The following SH2D2A variants were observed in gnomAD, a reference collection of about 807,000 sequenced individuals.
SH2D2A encodes SH2 domain containing 2A.
SH2D2A carries 33 observed loss-of-function variants against 43.6 expected under a neutral mutation model. The observed-to-expected ratio is 0.76, with a 90% CI of 0.57 to 1.01. The LOEUF (loss-of-function observed/expected upper bound fraction) is 1.01. Ranked by LOEUF, SH2D2A falls within the 50% of genes least tolerant of loss-of-function variation. SH2D2A has a pLI of 0.00. For synonymous variants in SH2D2A, 212 were observed against 206.1 expected, an observed-to-expected ratio of 1.03 and a Z score of -0.25; for missense variants, 491 against 503.1, an observed-to-expected ratio of 0.98 and a Z score of 0.23.
chr1:156,808,976 G>A (rs1441241769), intron 7 of SH2D2A, among the ~76,000 whole-genome samples: 2 of 152,154 alleles, frequency 1.3e-5, no homozygotes, highest in Non-Finnish European at 1.5e-5. Context: ...GGAGGGCATG[G>A]GGGCTTGACA....
chr1:156,814,040 G>A, intron 4 of SH2D2A, 24 bp from the exon 5 acceptor site: 1 of 1,497,084 alleles, frequency 6.7e-7, no homozygotes, highest in Non-Finnish European at 8.9e-7. Flanking sequence ...TTAGGGATCA[G>A]ACTATCTCCC....
At chr1:156,815,649 G>T in intron 2 of SH2D2A, 1 of 737,888 alleles carries the variant, frequency 1.4e-6, no homozygotes, top group South Asian at 1.5e-5. Flanking sequence ...GAAAATTATT[G>T]ACTGGGCAGG....
chr1:156,812,766 G>C (rs958051238), intron 5 of SH2D2A, among the ~76,000 whole-genome samples: 1 of 152,176 alleles, frequency 6.6e-6, no homozygotes, highest in Admixed American at 6.5e-5. Flanking sequence ...TTTCTTGTCA[G>C]TGTGTACTCA....
chr1:156,807,466 T>G lies in SH2D2A; in HGVS notation c.1003-121A>C. On this transcript the variant is annotated intron_variant, in intron 7 of 8. Coordinates refer to ENST00000368199, the MANE Select transcript of SH2D2A (RefSeq NM_003975.4). This position sits in a 1 kb window ranked among gnomAD's most constrained non-coding sequence, Gnocchi z 5.1. ...CTTCCAGAGAGGGTATCTAAACTCC[T>G]CTCATTCATTAATTCAACAAACATC... The G allele has an allele frequency of 1.3e-6, 1 of 775,738 alleles. No homozygotes were observed. 48.1% of individuals were successfully genotyped at this position (775,738 alleles called of 1,614,324 possible). A position where few individuals can be genotyped will look rare whatever the true frequency, so the allele number is the denominator to read the frequency against.
chr1:156,809,749 C>G lies in SH2D2A; in HGVS notation c.626G>C (p.Ser209Thr). The G allele has an allele frequency of 6.2e-7, 1 of 1,614,064 alleles. No individual in the cohort carries two copies. Among genetic ancestry groups the G allele is most frequent in the Middle Eastern group, 1.7e-4 (1 of 6,060 alleles). Residue 209 changes from serine (S) to threonine (T), a missense_variant, in exon 6 of 9, where the codon AGC becomes ACC. Coordinates refer to ENST00000368199, the MANE Select transcript of SH2D2A (RefSeq NM_003975.4). This position sits in a 1 kb window ranked among gnomAD's most constrained non-coding sequence, Gnocchi z 4.8. ...GCTGTACTGGGGGTTTGGGTCCTGG[C>G]TTTTGCTTCCAAAGTTTGATTCTTC... is the stretch of plus-strand genomic sequence containing the variant. The part of the protein sequence containing the change: ...RTEESNFGSK[S>T]QDPNPQYSPI...
At position 156,814,055 on chromosome 1, in the gene SH2D2A, C is replaced by T. The variant is rs1461076166; in HGVS notation, c.399-39G>A. ...TTAGGGATCAGACTATCTCCCGCTC[C>T]TCGGCCAGGGTCACCAGCGAGAGGC... is the stretch of plus-strand genomic sequence containing the variant. On this transcript the variant is annotated intron_variant, in intron 4 of 8. Coordinates refer to ENST00000368199, the MANE Select transcript of SH2D2A (RefSeq NM_003975.4). 4 of 1,490,150 alleles carry T rather than the reference C, an allele frequency of 2.7e-6. No homozygotes were observed. In the Admixed American group the frequency reaches 8.5e-5, roughly 32 times the overall value. The allele number at this position is 1,490,150 out of a possible 1,614,324, so 92.3% of individuals were successfully genotyped here.
In SH2D2A at chr1:156,816,037, C is replaced by T. The variant is rs377668169; in HGVS notation, c.92G>A (p.Arg31His). 8.5e-5 allele frequency: 137 copies of T among 1,613,902 alleles called. No individual in the cohort carries two copies. The highest frequency in any genetic ancestry group is 1.3e-4 in the African/African-American group (10 of 74,992). The change falls in exon 2 of 9, where the codon CGC becomes CAC. Residue 31 changes from arginine (R) to histidine (H), a missense_variant. Arg to His is a conservative substitution (Grantham distance 29). Coordinates refer to ENST00000368199, the MANE Select transcript of SH2D2A (RefSeq NM_003975.4). The stretch of plus-strand genomic sequence containing the variant: ...GTAGCCCAGGTTCTGGCAGCTCCTG[C>T]GGGTCATGTCTGTGATCTGGAAGGT... Reference protein sequence around the residue: ...FSTFQITDMTRRSCQNLGYTA... With the variant: ...FSTFQITDMTHRSCQNLGYTA...
intron 5 of SH2D2A, among the ~76,000 whole-genome samples, 192 bp downstream of exon 5, chr1:156,813,656 C>T (rs1406820013): frequency 2.6e-5 from 4 of 152,350 alleles, no homozygotes; most frequent in Non-Finnish European, 5.9e-5. Flanking sequence ...AAGGACGGTC[C>T]CCCAGCACTC....
chr1:156,809,587 C>A lies in SH2D2A; in HGVS notation c.714+74G>T, dbSNP rs1653249141. 1 of 1,557,534 alleles carries A rather than the reference C, an allele frequency of 6.4e-7. No homozygotes were observed. Among genetic ancestry groups the A allele is most frequent in the Non-Finnish European group, 8.7e-7 (1 of 1,152,308 alleles). On this transcript the variant is annotated intron_variant, in intron 6 of 8. Coordinates refer to ENST00000368199, the MANE Select transcript of SH2D2A (RefSeq NM_003975.4). This position sits in a 1 kb window ranked among gnomAD's most constrained non-coding sequence, Gnocchi z 4.8. ...GCCTGAGCCTCTGCCCCCGCTAGGCCCCTCCTCCTCCCCGCTGCCTGCACC... is the reference window on the plus strand; with the variant it reads ...GCCTGAGCCTCTGCCCCCGCTAGGCACCTCCTCCTCCCCGCTGCCTGCACC...
chr1:156,812,401 A>C (rs1490549102), intron 5 of SH2D2A, among the ~76,000 whole-genome samples: 1 of 151,924 alleles, frequency 6.6e-6, no homozygotes, highest in East Asian at 1.9e-4. Flanking sequence ...CAGTCACCGG[A>C]TCCACCCATG....
At chr1:156,808,038 C>A (rs981117068) in intron 7 of SH2D2A, among the ~76,000 whole-genome samples, 3 of 152,044 alleles carry the variant, frequency 2.0e-5, no homozygotes, top group Admixed American at 2.0e-4. Context: ...GTGGCTCGAG[C>A]CTGTAATCTC....
At chr1:156,816,626 G>A in intron 1 of SH2D2A, 49 bp downstream of exon 1, 1 of 1,578,020 alleles carries the variant, frequency 6.3e-7, no homozygotes, top group Non-Finnish European at 8.6e-7. Context: ...GCAGGGGGAT[G>A]GGGGTCTTTG....
rs74779613 is a variant in SH2D2A at position 156,814,172 on chromosome 1, T to C, written c.398+33A>G. On this transcript the variant is annotated intron_variant, in intron 4 of 8. Coordinates refer to ENST00000368199, the MANE Select transcript of SH2D2A (RefSeq NM_003975.4). ...AGCCCCGCCCCTCCCGAGCCCCGCC[T>C]TGTGTCGCCCGGCGCGGGGCCTCGC... 9,446 of 1,612,022 alleles carry C rather than the reference T, an allele frequency of 5.9e-3. 45 individuals are homozygous for C. Among genetic ancestry groups the C allele is most frequent in the South Asian group, 0.014 (1,279 of 90,976 alleles).
chr1:156,808,123 G>T (rs1653100526), intron 7 of SH2D2A, among the ~76,000 whole-genome samples: 1 of 152,168 alleles, frequency 6.6e-6, no homozygotes, highest in Non-Finnish European at 1.5e-5. Flanking sequence ...CTGCACTCCA[G>T]CCTGGGTGAC....
Sources: allele counts gnomAD v4.1 joint callset (sites outside exome capture counted in the v4.1 genomes callset), GRCh38; gene constraint gnomAD v4.1.1; non-coding constraint Gnocchi (gnomAD v3.1); transcripts MANE v1.5; gene names NCBI Gene and HGNC (gene_info 2026-07-23, HGNC 2026-07-21).